ELP4: variants seen among roughly 807,000 people sequenced by gnomAD.
The protein encoded by ELP4 is elongator complex protein 4.
In ELP4, 51 loss-of-function variants were observed where a neutral mutation model predicts 48.9. That is an observed-to-expected ratio of 1.04 (90% CI 0.83 to 1.32). The LOEUF is 1.32. Ranked by LOEUF, ELP4 falls within the 40% of genes most tolerant of loss-of-function variation. The probability of loss-of-function intolerance (pLI) is 0.00; values close to 1 mark genes in which losing one functional copy is unlikely to be tolerated. For synonymous variants in ELP4, 210 were observed against 189.2 expected, an observed-to-expected ratio of 1.11 and a Z score of -0.90; for missense variants, 519 against 514.6, an observed-to-expected ratio of 1.01 and a Z score of -0.08.
chr11:31,521,489 C>T (rs897450635), intron 2 of ELP4, among the ~76,000 whole-genome samples: 4 of 152,012 alleles, frequency 2.6e-5, no homozygotes, highest in Admixed American at 2.6e-4. Flanking sequence ...AGTTTTCTCA[C>T]ATGTTTTGTT....
At chr11:31,649,375 T>A (rs745812232) in intron 8 of ELP4, 1 of 151,624 alleles carries the variant, frequency 6.6e-6, no homozygotes, top group Non-Finnish European at 1.5e-5. Context: ...CATGTCTTCA[T>A]CTGTGGGAAA....
intron 9 of ELP4, among the ~76,000 whole-genome samples, chr11:31,770,551 G>A (rs1303807358): frequency 7.2e-6 from 1 of 139,632 alleles, no homozygotes; most frequent in Non-Finnish European, 1.5e-5. Flanking sequence ...AGCATTAATG[G>A]GAATAAAATT....
rs147286504 is a variant in ELP4 at position 31,634,972 on chromosome 11, A to G, written c.927+2567A>G. ...TCCTAGACGATTTTGCAAAGTTATC[A>G]TATAGTAGTCTTCTGGCCCTAATAC... On this transcript the variant is annotated intron_variant, in intron 7 of 9. Coordinates refer to ENST00000640961, the MANE Select transcript of ELP4 (RefSeq NM_019040.5). Among the ~76,000 whole-genome samples, 306 of 152,046 alleles carry G rather than the reference A, an allele frequency of 2.0e-3. 1 individual carries two copies. Among genetic ancestry groups the G allele is most frequent in the African/African-American group, 7.0e-3 (291 of 41,518 alleles).
intron 9 of ELP4, among the ~76,000 whole-genome samples, chr11:31,739,521 A>C (rs1482865393): frequency 6.6e-6 from 1 of 152,172 alleles, no homozygotes; most frequent in Admixed American, 6.5e-5. Flanking sequence ...GTTGGTGTGT[A>C]AGGTTATTAA....
At chr11:31,699,924 A>C (rs755393019) in intron 9 of ELP4, among the ~76,000 whole-genome samples, 3 of 152,140 alleles carry the variant, frequency 2.0e-5, no homozygotes, top group Non-Finnish European at 4.4e-5. Flanking sequence ...TCTTTGGAAA[A>C]ATGTCAAGAA....
intron 3 of ELP4, among the ~76,000 whole-genome samples, chr11:31,547,186 T>C (rs1592103909): frequency 6.6e-6 from 1 of 152,230 alleles, no homozygotes; most frequent in South Asian, 2.1e-4. Flanking sequence ...AAAAAATTAG[T>C]GAATCCAGGA....
At chr11:31,700,231 A>G (rs1410922538) in intron 9 of ELP4, among the ~76,000 whole-genome samples, 1 of 151,970 alleles carries the variant, frequency 6.6e-6, no homozygotes, top group Non-Finnish European at 1.5e-5. Flanking sequence ...TTTTTTAAAA[A>G]AAAAGAAAAA....
intron 9 of ELP4, among the ~76,000 whole-genome samples, chr11:31,761,531 G>A (rs1270844962): frequency 6.6e-6 from 1 of 152,108 alleles, no homozygotes; most frequent in Non-Finnish European, 1.5e-5. Context: ...TCTCTGTAAA[G>A]ATGGACATTT....
At chr11:31,529,494 T>C (rs942782667) in intron 2 of ELP4, among the ~76,000 whole-genome samples, 2 of 152,118 alleles carry the variant, frequency 1.3e-5, no homozygotes, top group Admixed American at 6.6e-5. Context: ...AGGGCATCAG[T>C]CGTAGACATT....
chr11:31,716,048 G>A (rs766825195), intron 9 of ELP4, among the ~76,000 whole-genome samples: 1 of 152,088 alleles, frequency 6.6e-6, no homozygotes, highest in Non-Finnish European at 1.5e-5. Flanking sequence ...GGGCCTCGCT[G>A]TGTCACCCAG....
At chr11:31,563,314 T>G (rs538149780) in intron 3 of ELP4, among the ~76,000 whole-genome samples, 1 of 152,146 alleles carries the variant, frequency 6.6e-6, no homozygotes, top group Non-Finnish European at 1.5e-5. Context: ...CTTCATTAAC[T>G]GCTGAGGGAT....
intron 9 of ELP4, among the ~76,000 whole-genome samples, chr11:31,687,427 A>G (rs1234210003): frequency 6.6e-6 from 1 of 152,228 alleles, no homozygotes; most frequent in Admixed American, 6.5e-5. Flanking sequence ...TGCCAAATGC[A>G]TTGAGCAATA....
At chr11:31,686,963 A>G (rs1345170088) in intron 9 of ELP4, among the ~76,000 whole-genome samples, 1 of 152,056 alleles carries the variant, frequency 6.6e-6, no homozygotes, top group African/African-American at 2.4e-5. Flanking sequence ...TTGAGTTAGG[A>G]AACTGTTGCA....
At chr11:31,781,488 C>CTTTTT (rs141365629) in intron 9 of ELP4, among the ~76,000 whole-genome samples, 4 of 67,436 alleles carry the variant, frequency 5.9e-5, no homozygotes, top group Non-Finnish European at 1.0e-4. Flanking sequence ...ATTCCTGAGC[C>CTTTTT]TTTTTTTTTT....
intron 5 of ELP4, among the ~76,000 whole-genome samples, chr11:31,609,182 G>A (rs911223942): frequency 6.6e-6 from 1 of 152,202 alleles, no homozygotes; most frequent in Non-Finnish European, 1.5e-5. Flanking sequence ...GGCCACAGAA[G>A]GGAGGCTGCT....
intron 3 of ELP4, among the ~76,000 whole-genome samples, chr11:31,544,658 C>G (rs1232383311): frequency 6.6e-6 from 1 of 152,206 alleles, no homozygotes; most frequent in African/African-American, 2.4e-5. Context: ...GAGGTTCTCC[C>G]AGCGCGCAGC....
intron 9 of ELP4, among the ~76,000 whole-genome samples, chr11:31,704,636 T>C (rs1335469610): frequency 6.6e-6 from 1 of 151,994 alleles, no homozygotes; most frequent in Non-Finnish European, 1.5e-5. Context: ...TAAAGTATAA[T>C]AAAAATAAAA....
intron 9 of ELP4, among the ~76,000 whole-genome samples, chr11:31,746,726 C>T (rs930149628): frequency 2.0e-5 from 3 of 151,746 alleles, no homozygotes; most frequent in African/African-American, 4.8e-5. Context: ...CATCACACAC[C>T]GGGGACTGTT....
intron 5 of ELP4, among the ~76,000 whole-genome samples, chr11:31,609,653 G>A (rs1957939271): frequency 6.6e-6 from 1 of 152,028 alleles, no homozygotes; most frequent in Non-Finnish European, 1.5e-5. Flanking sequence ...TCCCAAGGGG[G>A]CTCCTTGGGA....
Sources: gnomAD v4.1 joint callset for allele counts (sites outside exome capture counted in the v4.1 genomes callset) on GRCh38, gnomAD v4.1.1 for gene constraint, MANE v1.5 for transcripts, NCBI Gene and HGNC (gene_info 2026-07-23, HGNC 2026-07-21) for gene names.